UGT1A8: variants seen among roughly 807,000 people sequenced by gnomAD.
UGT1A8 encodes UDP glucuronosyltransferase family 1 member A8, also known as UDP-glucuronosyltransferase 1A8.
A neutral mutation model predicts 45.3 loss-of-function variants in UGT1A8; 39 were observed. The observed-to-expected ratio is 0.86, with a 90% CI of 0.67 to 1.12. The LOEUF is 1.12. Ranked by LOEUF, UGT1A8 falls within the 50% of genes most tolerant of loss-of-function variation. UGT1A8 has a pLI of 0.00. For synonymous variants in UGT1A8, 275 were observed against 249.2 expected, an observed-to-expected ratio of 1.10 and a Z score of -0.97; for missense variants, 719 against 664.9, an observed-to-expected ratio of 1.08 and a Z score of -0.90.
chr2:233,768,502 A>G (rs1225934667), intron 4 of UGT1A8, 63 bp downstream of exon 4: 30 of 1,567,296 alleles, frequency 1.9e-5, no homozygotes, highest in Non-Finnish European at 2.6e-5. Flanking sequence ...TGTTTCAAAT[A>G]TGAAAACATT....
At chr2:233,763,395 T>C (rs1347086472) in intron 1 of UGT1A8, among the ~76,000 whole-genome samples, 2 of 152,256 alleles carry the variant, frequency 1.3e-5, no homozygotes, top group African/African-American at 2.4e-5. Context: ...TTAAACAACA[T>C]GGCACTGGTA....
chr2:233,684,813 AG>A (rs2074702770), intron 1 of UGT1A8, among the ~76,000 whole-genome samples: 1 of 152,236 alleles, frequency 6.6e-6, no homozygotes, highest in South Asian at 2.1e-4. Context: ...CAACCACAAA[AG>A]TAAATTGTCA....
intron 1 of UGT1A8, chr2:233,744,011 C>T (rs1159851013): frequency 1.6e-5 from 18 of 1,116,766 alleles, no homozygotes; most frequent in East Asian, 5.5e-5. Context: ...AGACCTGGGC[C>T]GCCTGGAGAG....
chr2:233,755,235 C>T lies in UGT1A8; in HGVS notation c.856-11799C>T, dbSNP rs1346915931. ...CTTGATACCCTCGGACGAGGCCTACCGGGGTACTCCCAGCACCTCGTAGTA... is the reference window on the plus strand; with the variant it reads ...CTTGATACCCTCGGACGAGGCCTACTGGGGTACTCCCAGCACCTCGTAGTA... On this transcript the variant is annotated intron_variant, in intron 1 of 4. Transcript: ENST00000373450. The T allele has an allele frequency of 1.2e-5, 11 of 904,686 alleles. No homozygotes were observed. The East Asian group carries it at 3.5e-4, about 29-fold the overall frequency. 56.0% of individuals were successfully genotyped at this position (904,686 alleles called of 1,614,324 possible).
chr2:233,631,331 T>A (rs1022664345), intron 1 of UGT1A8, among the ~76,000 whole-genome samples: 3 of 152,216 alleles, frequency 2.0e-5, no homozygotes, highest in African/African-American at 7.2e-5. Flanking sequence ...TAGAATGATT[T>A]ATAATCCTTT....
chr2:233,644,607 G>T (rs1293230419), intron 1 of UGT1A8, among the ~76,000 whole-genome samples: 1 of 151,994 alleles, frequency 6.6e-6, no homozygotes, highest in Non-Finnish European at 1.5e-5. Context: ...CGCTCTCTCA[G>T]TGGGTGGGTG....
intron 1 of UGT1A8, among the ~76,000 whole-genome samples, chr2:233,728,930 G>A (rs144892248): frequency 6.9e-6 from 1 of 145,550 alleles, no homozygotes; most frequent in East Asian, 1.9e-4. Flanking sequence ...GTCATGATCG[G>A]TCTTTTCCAG....
rs571377170 is a variant in UGT1A8 at position 233,681,019 on chromosome 2, A to G, written c.855+62457A>G. 5.4e-4 allele frequency among the ~76,000 whole-genome samples: 82 copies of G among 152,098 alleles called. 1 individual carries two copies. The Middle Eastern group carries it at 0.034, about 63-fold the overall frequency. ...ATTACAGCATTTCAGAGGCCTCAGA[A>G]GATTTGGAAATGAAAAAAGACAAGC... On this transcript the variant is annotated intron_variant, in intron 1 of 4. Coordinates refer to ENST00000373450, the MANE Select transcript of UGT1A8 (RefSeq NM_019076.5).
At chr2:233,648,146 G>A (rs980034144) in intron 1 of UGT1A8, 29 of 1,259,370 alleles carry the variant, frequency 2.3e-5, no homozygotes, top group Admixed American at 1.4e-4. Flanking sequence ...GAAGTACGAC[G>A]CTTATTTTCT....
Position 233,687,583 on chromosome 2 carries a change from TAAAAAA to T in UGT1A8, c.855+69040_855+69045del, listed in dbSNP as rs71398794. 5.3e-3 allele frequency among the ~76,000 whole-genome samples: 569 copies of T among 107,448 alleles called. 7 individuals are homozygous for T. The highest frequency in any genetic ancestry group is 0.018 in the African/African-American group (528 of 29,724). The allele number at this position is 107,448 out of a possible 152,430, so 70.5% of individuals were successfully genotyped here. A position where few individuals can be genotyped will look rare whatever the true frequency, so the allele number is the denominator to read the frequency against. The stretch of plus-strand genomic sequence containing the variant: ...AGAATTCAAGACCATACATTCTTTG[TAAAAAA>T]AAAAAAAAAAAAAAAAAAGGAAAGA... On this transcript the variant is annotated intron_variant, in intron 1 of 4. Transcript: ENST00000373450.
In UGT1A8 at chr2:233,684,712, T is replaced by C. The variant is rs921329343; in HGVS notation, c.855+66150T>C. Reference sequence around the variant, plus strand: ...AGATGTGGAAGGTTATGTATTAATGTATATATTTATAAATAGAAAATAAAT... The same window carrying C: ...AGATGTGGAAGGTTATGTATTAATGCATATATTTATAAATAGAAAATAAAT... On this transcript the variant is annotated intron_variant, in intron 1 of 4. Transcript: ENST00000373450. 3.9e-5 allele frequency among the ~76,000 whole-genome samples: 6 copies of C among 152,014 alleles called. No homozygotes were observed. In the South Asian group the frequency reaches 1.2e-3, roughly 31 times the overall value.
chr2:233,687,831 C>A (rs1481832407), intron 1 of UGT1A8, among the ~76,000 whole-genome samples: 1 of 152,108 alleles, frequency 6.6e-6, no homozygotes. Flanking sequence ...TCCTGTAAAC[C>A]CAGGAGGTTA....
At chr2:233,648,918 A>G in intron 1 of UGT1A8, 1 of 1,362,936 alleles carries the variant, frequency 7.3e-7, no homozygotes, top group South Asian at 1.2e-5. Flanking sequence ...GCCACACATC[A>G]ATTTGGTTGC....
chr2:233,740,631 C>G (rs1198172888), intron 1 of UGT1A8: 1 of 151,760 alleles, frequency 6.6e-6, no homozygotes, highest in East Asian at 1.9e-4. Context: ...CAGGGTCATG[C>G]CTTTCCTTGC....
chr2:233,676,561 A>G (rs2125509722), intron 1 of UGT1A8, among the ~76,000 whole-genome samples: 1 of 152,188 alleles, frequency 6.6e-6, no homozygotes, highest in Middle Eastern at 3.4e-3. Context: ...CTTTTATGGG[A>G]TCCCAGTGAT....
intron 1 of UGT1A8, among the ~76,000 whole-genome samples, chr2:233,724,482 A>T (rs1472429927): frequency 6.4e-4 from 41 of 64,386 alleles, no homozygotes; most frequent in South Asian, 1.8e-3. Flanking sequence ...CACTTCTCAG[A>T]CGGGGCGGCC....
chr2:233,729,223 G>T, intron 1 of UGT1A8: 1 of 1,614,166 alleles, frequency 6.2e-7, no homozygotes, highest in Non-Finnish European at 8.5e-7. Context: ...AAAGGTGTTG[G>T]TGGTGCCCAT....
intron 1 of UGT1A8, among the ~76,000 whole-genome samples, chr2:233,707,026 C>T (rs1300586789): frequency 1.3e-5 from 2 of 152,110 alleles, no homozygotes; most frequent in African/African-American, 4.8e-5. Context: ...GGTCAGCCAG[C>T]CCCCAAGGTA....
intron 1 of UGT1A8, among the ~76,000 whole-genome samples, chr2:233,734,927 C>T (rs1223344443): frequency 1.3e-5 from 2 of 152,170 alleles, no homozygotes; most frequent in Non-Finnish European, 2.9e-5. Context: ...GAGTGCTTTA[C>T]TTACAATCAT....
Sources: allele counts gnomAD v4.1 joint callset (sites outside exome capture counted in the v4.1 genomes callset), GRCh38; gene constraint gnomAD v4.1.1; transcripts MANE v1.5; gene names NCBI Gene and HGNC (gene_info 2026-07-23, HGNC 2026-07-21).